The following TNIK variants were observed in gnomAD, a reference collection of about 807,000 sequenced individuals.
The protein encoded by TNIK is TRAF2 and NCK-interacting protein kinase.
In TNIK, 49 loss-of-function variants were observed where a neutral mutation model predicts 191.3. That is an observed-to-expected ratio of 0.26 (90% CI 0.20 to 0.32). The LOEUF (loss-of-function observed/expected upper bound fraction) is 0.32. Ranked by LOEUF, TNIK falls within the 10% of genes least tolerant of loss-of-function variation. The pLI is 1.00. For synonymous variants in TNIK, 594 were observed against 600.9 expected, an observed-to-expected ratio of 0.99 and a Z score of 0.17; for missense variants, 1,155 against 1,702.3, an observed-to-expected ratio of 0.68 and a Z score of 5.66.
chr3:171,071,267 A>G lies in TNIK; in HGVS notation c.3505T>C (p.Tyr1169His). Residue 1169 changes from tyrosine to histidine, a missense_variant, in exon 29 of 33, where the codon TAT (tyrosine) becomes CAT (histidine). By Grantham distance (83) the Tyr-to-His change is moderately conservative (BLOSUM62 2). This residue lies in a region of TNIK where 195 missense variants were observed against 415.4 expected (regional missense o/e 0.47). Transcript: ENST00000436636. The part of the protein sequence containing the change: ...VIALKNAVEI[Y>H]AWAPKPYHKF... ...TGATACGGTTTAGGAGCCCAAGCATATATTTCCACAGCATTCTTTAAGGCA... is the reference window on the plus strand; with the variant it reads ...TGATACGGTTTAGGAGCCCAAGCATGTATTTCCACAGCATTCTTTAAGGCA... 6.2e-7 allele frequency: 1 copy of G among 1,607,038 alleles called. No homozygotes were observed. Among genetic ancestry groups the G allele is most frequent in the Non-Finnish European group, 8.5e-7 (1 of 1,176,840 alleles).
intron 28 of TNIK, among the ~76,000 whole-genome samples, chr3:171,071,648 C>T (rs569761924): frequency 1.4e-4 from 21 of 152,258 alleles, no homozygotes; most frequent in African/African-American, 4.8e-4. Flanking sequence ...TAATTTCCTT[C>T]ATGTTAGCTT....
In TNIK at chr3:171,416,027, A is replaced by G. The variant is rs1442427422; in HGVS notation, c.57+43980T>C. 3.3e-5 allele frequency among the ~76,000 whole-genome samples: 5 copies of G among 151,318 alleles called. No homozygotes were observed. The East Asian group carries it at 9.7e-4, about 29-fold the overall frequency. On this transcript the variant is annotated intron_variant, in intron 1 of 32. Transcript: ENST00000436636. ...GAAAAAGAAAGAAAGGAAGAAAAAGAAAAAGAAAGAAAGAAAAAATTAATG... is the reference window on the plus strand; with the variant it reads ...GAAAAAGAAAGAAAGGAAGAAAAAGGAAAAGAAAGAAAGAAAAAATTAATG...
intron 4 of TNIK, among the ~76,000 whole-genome samples, chr3:171,199,879 T>C (rs531092435): frequency 1.3e-5 from 2 of 152,224 alleles, no homozygotes; most frequent in Non-Finnish European, 2.9e-5. Flanking sequence ...TTTGCATTTA[T>C]AAAAATGCGA....
chr3:171,454,261 C>T (rs914474903), intron 1 of TNIK, among the ~76,000 whole-genome samples: 10 of 152,128 alleles, frequency 6.6e-5, no homozygotes, highest in African/African-American at 2.4e-4. Context: ...GACTTTAGAA[C>T]CACTATCACT....
chr3:171,425,864 C>T (rs1325581338), intron 1 of TNIK, among the ~76,000 whole-genome samples: 1 of 150,916 alleles, frequency 6.6e-6, no homozygotes, highest in Admixed American at 6.6e-5. Flanking sequence ...CAGCACCATG[C>T]ATGTAAAAAT....
chr3:171,134,021 C>T (rs184888891), intron 15 of TNIK, among the ~76,000 whole-genome samples: 9 of 151,884 alleles, frequency 5.9e-5, no homozygotes, highest in African/African-American at 2.2e-4. Context: ...AGCTTTGGTA[C>T]AATTTTTTTT....
At chr3:171,083,137 C>G (rs1368394977) in intron 26 of TNIK, among the ~76,000 whole-genome samples, 2 of 152,142 alleles carry the variant, frequency 1.3e-5, no homozygotes, top group Non-Finnish European at 2.9e-5. Flanking sequence ...TCATCCACCC[C>G]TCAACACACA....
intron 29 of TNIK, among the ~76,000 whole-genome samples, chr3:171,070,020 G>A (rs1718982456): frequency 6.6e-6 from 1 of 152,204 alleles, no homozygotes; most frequent in African/African-American, 2.4e-5. Flanking sequence ...ACTCTCTCAT[G>A]TGTCTCTGGG....
At chr3:171,329,464 C>T (rs1367616574) in intron 2 of TNIK, among the ~76,000 whole-genome samples, 1 of 152,074 alleles carries the variant, frequency 6.6e-6, no homozygotes, top group Non-Finnish European at 1.5e-5. Context: ...GCTGTGTGTC[C>T]TTGGGTCATT....
chr3:171,086,760 G>C (rs1721410141), intron 24 of TNIK, among the ~76,000 whole-genome samples: 2 of 152,140 alleles, frequency 1.3e-5, no homozygotes, highest in South Asian at 4.1e-4. Context: ...GCGTCTATGG[G>C]CACTACCTAC....
chr3:171,259,100 G>A lies in TNIK; in HGVS notation c.124-30879C>T, dbSNP rs1747267295. ...GTCAAGGACAGTGTGTTTTATATAA[G>A]AGAGAGAGAGAGCATGCACACGAGA... On this transcript the variant is annotated intron_variant, in intron 2 of 32. Transcript: ENST00000436636. Among the ~76,000 whole-genome samples the A allele has an allele frequency of 2.0e-5, 3 of 150,008 alleles. No homozygotes were observed. The South Asian group carries it at 6.3e-4, about 31-fold the overall frequency.
intron 4 of TNIK, among the ~76,000 whole-genome samples, chr3:171,206,628 A>G (rs1228943229): frequency 6.6e-6 from 1 of 152,112 alleles, no homozygotes; most frequent in Non-Finnish European, 1.5e-5. Context: ...AGAACTTCCA[A>G]CCAAGCTAAA....
intron 2 of TNIK, among the ~76,000 whole-genome samples, chr3:171,247,329 A>G (rs945241068): frequency 3.3e-5 from 5 of 152,258 alleles, no homozygotes; most frequent in Non-Finnish European, 7.3e-5. Context: ...AAAAGAGAAT[A>G]GATCCAAAGA....
chr3:171,277,131 T>C (rs58536085), intron 2 of TNIK, among the ~76,000 whole-genome samples: 6,265 of 152,246 alleles, frequency 0.041, 397 homozygotes, highest in African/African-American at 0.14. Context: ...TTCTCTCCCT[T>C]GTGCATACTC....
chr3:171,376,055 C>T (rs1006678363), intron 1 of TNIK, among the ~76,000 whole-genome samples: 1 of 152,152 alleles, frequency 6.6e-6, no homozygotes, highest in African/African-American at 2.4e-5. Context: ...TCTAAACTTA[C>T]GGGCCTTAAG....
At chr3:171,153,316 CAT>C (rs1448929292) in intron 12 of TNIK, among the ~76,000 whole-genome samples, 1 of 152,116 alleles carries the variant, frequency 6.6e-6, no homozygotes, top group Non-Finnish European at 1.5e-5. Context: ...ACTCTCTTCT[CAT>C]GTGTACTTTT....
intron 2 of TNIK, among the ~76,000 whole-genome samples, chr3:171,316,161 C>A (rs1278294771): frequency 6.6e-6 from 1 of 152,050 alleles, no homozygotes; most frequent in Non-Finnish European, 1.5e-5. Context: ...CTGTAAGCTC[C>A]CAGAGCACAG....
intron 4 of TNIK, among the ~76,000 whole-genome samples, chr3:171,202,505 A>G (rs940338491): frequency 7.9e-5 from 12 of 152,226 alleles, no homozygotes; most frequent in African/African-American, 1.2e-4. Flanking sequence ...GTTATCTAAA[A>G]AAAGGAATCA....
At chr3:171,210,445 C>G (rs1740658721) in intron 4 of TNIK, among the ~76,000 whole-genome samples, 2 of 152,130 alleles carry the variant, frequency 1.3e-5, no homozygotes, top group Non-Finnish European at 2.9e-5. Context: ...GGTGGGACAG[C>G]CAATTAGAGC....
Sources: gnomAD v4.1 joint callset for allele counts (sites outside exome capture counted in the v4.1 genomes callset) on GRCh38, gnomAD v4.1.1 for gene constraint, gnomAD v4.1.1 regional missense constraint, MANE v1.5 for transcripts, NCBI Gene and HGNC (gene_info 2026-07-23, HGNC 2026-07-21) for gene names.